The following KIF1A variants were observed in gnomAD, a reference collection of about 807,000 sequenced individuals.
KIF1A encodes the protein kinesin-like protein KIF1A.
In KIF1A, 46 loss-of-function variants were observed where a neutral mutation model predicts 227.3. That is an observed-to-expected ratio of 0.20 (90% confidence interval 0.16 to 0.26). The LOEUF is 0.26. Ranked by LOEUF, KIF1A falls within the 10% of genes least tolerant of loss-of-function variation. The probability of loss-of-function intolerance (pLI) is 1.00; values close to 1 mark genes in which losing one functional copy is unlikely to be tolerated. For synonymous variants in KIF1A, 1,022 were observed against 1,012.8 expected (o/e 1.01, Z -0.17); for missense variants, 1,683 against 2,485.9 (o/e 0.68, Z 6.87).
chr2:240,767,325 C>G lies in KIF1A; in HGVS notation c.1518G>C (p.Leu506=), dbSNP rs763105136. The G allele has an allele frequency of 6.2e-7, 1 of 1,613,708 alleles. No individual in the cohort carries two copies. Among genetic ancestry groups the G allele is most frequent in the South Asian group, 1.1e-5 (1 of 91,052 alleles). The change falls in exon 18 of 49, where the codon CTG becomes CTC. Residue 506 remains leucine, a synonymous_variant. Coordinates refer to ENST00000498729, the MANE Select transcript of KIF1A (RefSeq NM_001244008.2). ...SPKKTPHLVN[L]NEDPLMSECL... ...ACTCAGACATCAGCGGGTCCTCGTT[C>G]AGGTTGACGAGGTGTGGTGTCTGCA...
Position 240,719,025 on chromosome 2 carries a change from T to G in KIF1A, c.5195A>C (p.Asp1732Ala). Reference protein sequence around the residue: ...LATAQVEYSEDQQAMLKTPNT... With the variant: ...LATAQVEYSEAQQAMLKTPNT... ...CCGCACCTTGAGCATAGCCTGCTGG[T>G]CCTCACTGTACTCCACCTGGGCAGT... Residue 1732 changes from aspartate (D) to alanine (A), a missense_variant, in exon 47 of 49, where the codon GAC (aspartate) becomes GCC (alanine). Transcript: ENST00000498729. 2 of 1,609,104 alleles carry G rather than the reference T, an allele frequency of 1.2e-6. No homozygotes were observed. The highest frequency in any genetic ancestry group is 8.5e-7 in the Non-Finnish European group (1 of 1,177,002).
At chr2:240,820,667 G>A (rs1320116849), upstream of KIF1A, among the ~76,000 whole-genome samples, 1 of 151,646 alleles carries the variant, frequency 6.6e-6, no homozygotes, top group African/African-American at 2.4e-5. This position sits in a 1 kb window ranked among gnomAD's most constrained non-coding sequence, Gnocchi z 6.2. Flanking sequence ...GACGCATCGT[G>A]GGGGGCGGGC....
chr2:240,721,254 T>C (rs1459304685), intron 44 of KIF1A, among the ~76,000 whole-genome samples: 5 of 152,108 alleles, frequency 3.3e-5, no homozygotes, highest in Non-Finnish European at 1.5e-5. Flanking sequence ...CTTCAGGCTC[T>C]GGCCTGACCC....
intron 6 of KIF1A, 52 bp downstream of exon 6, chr2:240,786,283 G>A: frequency 6.4e-7 from 1 of 1,558,738 alleles, no homozygotes; most frequent in Middle Eastern, 1.7e-4. Context: ...TTCCTCCGGG[G>A]AGAGGCGGCA....
rs747063067 is a variant in KIF1A, at chr2:240,747,257, A to G, written c.3042T>C (p.Phe1014=). Residue 1014 remains phenylalanine (F), a synonymous_variant, in exon 29 of 49, where the codon TTT becomes TTC. Transcript: ENST00000498729. ...VRQSGTAKIS[F]DDQHFEKFQS... is the part of the protein sequence containing the mutation. ...GTACCTTTTCAAAATGCTGGTCATC[A>G]AAGGAGATTTTAGCAGTTCCCGACT... 4 of 1,613,494 alleles carry G rather than the reference A, an allele frequency of 2.5e-6. No homozygotes were observed. Among genetic ancestry groups the G allele is most frequent in the Non-Finnish European group, 3.4e-6 (4 of 1,179,594 alleles).
chr2:240,746,473 C>T (rs1380209290), intron 29 of KIF1A, among the ~76,000 whole-genome samples: 8 of 152,178 alleles, frequency 5.3e-5, no homozygotes, highest in Non-Finnish European at 1.2e-4. Context: ...TCAGTTCAGC[C>T]GGACCCCCGC....
Position 240,740,226 on chromosome 2 carries a change from G to T in KIF1A, c.3816+72C>A. 6.4e-7 allele frequency: 1 copy of T among 1,563,122 alleles called. No homozygotes were observed. The highest frequency in any genetic ancestry group is 8.8e-7 in the Non-Finnish European group (1 of 1,138,780). On this transcript the variant is annotated intron_variant, in intron 36 of 48. Transcript: ENST00000498729. The surrounding 1 kb of genome is among the most constrained non-coding windows in gnomAD (Gnocchi z 6.1). ...GGAGGGGGACACAGGCAGGGTAGGG[G>T]CAGGGAGAGGCTCACACCTGGTGGG...
intron 5 of KIF1A, 89 bp from the exon 6 acceptor site, chr2:240,786,602 C>T (rs2054785819): frequency 8.6e-7 from 1 of 1,157,088 alleles, no homozygotes; most frequent in Non-Finnish European, 1.2e-6. Context: ...GGGTAGGGGT[C>T]AACATAAGGA....
At chr2:240,781,890 G>A in intron 10 of KIF1A, 1 of 985,360 alleles carries the variant, frequency 1.0e-6, no homozygotes, top group Non-Finnish European at 1.2e-6. Flanking sequence ...TTAGTCTCTT[G>A]GAACTCCTCA....
intron 1 of KIF1A, among the ~76,000 whole-genome samples, chr2:240,816,402 T>A (rs1408215870): frequency 6.6e-6 from 1 of 152,008 alleles, no homozygotes; most frequent in Non-Finnish European, 1.5e-5. Flanking sequence ...TTCGAGTGGA[T>A]GCATGTGACT....
At chr2:240,804,828 G>T (rs565160181) in intron 1 of KIF1A, among the ~76,000 whole-genome samples, 1 of 151,992 alleles carries the variant, frequency 6.6e-6, no homozygotes, top group African/African-American at 2.4e-5. Flanking sequence ...CAGGAGTTAG[G>T]CCCCAAAGCA....
At position 240,784,974 on chromosome 2, in the gene KIF1A, A is replaced by G. The variant is rs765198893; in HGVS notation, c.720+15T>C. 6.2e-7 allele frequency: 1 copy of G among 1,605,966 alleles called. No homozygotes were observed. On this transcript the variant is annotated intron_variant, in intron 7 of 48. Transcript: ENST00000498729. ...ACTGCCCTTGGTGGCACCGCCTGTG[A>G]GGCCACTCACTCACCTTCTCCGTGG... is the stretch of plus-strand genomic sequence containing the variant.
chr2:240,762,973 G>C (rs2125904018), intron 22 of KIF1A, 46 bp downstream of exon 22: 2 of 1,420,994 alleles, frequency 1.4e-6, no homozygotes, highest in East Asian at 2.5e-5. Flanking sequence ...GGGGTCCCCT[G>C]GTGTGGGTGG....
chr2:240,747,142 G>T, intron 29 of KIF1A, 94 bp downstream of exon 29: 1 of 848,240 alleles, frequency 1.2e-6, no homozygotes, highest in Non-Finnish European at 1.9e-6. Context: ...GGGCCCGTGG[G>T]ATGGGACACA....
In KIF1A at chr2:240,715,717, G is replaced by C. The variant is rs1559469415; in HGVS notation, c.*1647C>G. 2 of 152,512 alleles carry C rather than the reference G, an allele frequency of 1.3e-5. No individual in the cohort carries two copies. The highest frequency in any genetic ancestry group is 3.8e-4 in the East Asian group (2 of 5,296). 9.4% of individuals were successfully genotyped at this position (152,512 alleles called of 1,614,324 possible). A position where few individuals can be genotyped will look rare whatever the true frequency, so the allele number is the denominator to read the frequency against. On this transcript the variant is annotated 3_prime_UTR_variant, in exon 49 of 49. Transcript: ENST00000498729. The stretch of plus-strand genomic sequence containing the variant: ...CTGTCTCTCCCCCAGGCATGGGATT[G>C]GGGTCTCTGAGGCTCATGTCAGCAT...
chr2:240,762,537 C>T (rs1230346163), intron 23 of KIF1A, among the ~76,000 whole-genome samples, 182 bp downstream of exon 23: 1 of 152,152 alleles, frequency 6.6e-6, no homozygotes, highest in East Asian at 1.9e-4. Context: ...GCACAGTATC[C>T]CCCCTCCCCC....
chr2:240,776,606 C>G (rs2052753213), intron 10 of KIF1A, among the ~76,000 whole-genome samples: 1 of 152,270 alleles, frequency 6.6e-6, no homozygotes, highest in African/African-American at 2.4e-5. Context: ...TTGCTTCTGA[C>G]AGACACTCTG....
intron 1 of KIF1A, among the ~76,000 whole-genome samples, chr2:240,805,910 A>G (rs2057366836): frequency 6.6e-6 from 1 of 152,262 alleles, no homozygotes; most frequent in African/African-American, 2.4e-5. Flanking sequence ...AAAAATACTT[A>G]CTAAATGGAA....
intron 24 of KIF1A, 29 bp downstream of exon 24, chr2:240,761,200 G>A: frequency 6.3e-7 from 1 of 1,596,730 alleles, no homozygotes. Flanking sequence ...CTCTCCAACA[G>A]GAAACGGTAC....
Sources: allele counts gnomAD v4.1 joint callset (sites outside exome capture counted in the v4.1 genomes callset), GRCh38; gene constraint gnomAD v4.1.1; non-coding constraint Gnocchi (gnomAD v3.1); transcripts MANE v1.5; gene names NCBI Gene and HGNC (gene_info 2026-07-23, HGNC 2026-07-21).